Variants in MTHFD1 observed in about 807,000 individuals in gnomAD.
The protein encoded by MTHFD1 is C-1-tetrahydrofolate synthase, cytoplasmic.
In MTHFD1, 44 loss-of-function variants were observed where a neutral mutation model predicts 110.3. The ratio of observed to expected loss-of-function variants is 0.40; its 90% CI spans 0.31 to 0.51. The LOEUF is 0.51. Ranked by LOEUF, MTHFD1 falls within the 20% of genes least tolerant of loss-of-function variation. The pLI is 0.60. For missense variants in MTHFD1, 909 were observed against 1,173.1 expected (o/e 0.77, Z 3.29); for synonymous variants, 402 against 428.8 (o/e 0.94, Z 0.77).
At chr14:64,416,477 T>C (rs1286039164) in intron 6 of MTHFD1, among the ~76,000 whole-genome samples, 1 of 152,116 alleles carries the variant, frequency 6.6e-6, no homozygotes, top group African/African-American at 2.4e-5. Flanking sequence ...GTTCCAGGAC[T>C]CGACAGATGG....
At position 64,419,939 on chromosome 14, in the gene MTHFD1, G is replaced by T; in HGVS notation, c.727+14G>T. The T allele has an allele frequency of 1.5e-5, 24 of 1,570,284 alleles. No individual in the cohort carries two copies. The highest frequency in any genetic ancestry group is 2.1e-5 in the Non-Finnish European group (24 of 1,140,330). On this transcript the variant is annotated intron_variant, in intron 8 of 27. Transcript: ENST00000652337. Reference sequence around the variant, plus strand: ...ATTATGTCCCAGGTGAGTGTTGTTGGAGGAGTAAGGTGGCTGCTGGTATTG... The same window carrying T: ...ATTATGTCCCAGGTGAGTGTTGTTGTAGGAGTAAGGTGGCTGCTGGTATTG...
intron 1 of MTHFD1, among the ~76,000 whole-genome samples, chr14:64,399,223 G>T (rs750303077): frequency 4.6e-5 from 7 of 152,160 alleles, no homozygotes; most frequent in Non-Finnish European, 8.8e-5. Context: ...GAGTGGAAAT[G>T]TGAAAAAAGA....
At chr14:64,410,145 A>G (rs2077970822) in intron 2 of MTHFD1, among the ~76,000 whole-genome samples, 1 of 152,374 alleles carries the variant, frequency 6.6e-6, no homozygotes, top group East Asian at 1.9e-4. Context: ...TCAAAGAAAC[A>G]GAGGGAACAT....
At chr14:64,410,503 G>T (rs2077975221) in intron 2 of MTHFD1, among the ~76,000 whole-genome samples, 1 of 152,124 alleles carries the variant, frequency 6.6e-6, no homozygotes. Flanking sequence ...AGGGATTATA[G>T]ACCTGAGTTG....
At chr14:64,444,946 A>G (rs1404438243) in intron 22 of MTHFD1, 5 of 595,644 alleles carry the variant, frequency 8.4e-6, no homozygotes, top group South Asian at 3.7e-5. Flanking sequence ...TAGGGTGTCA[A>G]TAAGCCACTG....
At chr14:64,452,179 CAGCTACTTGG>C (rs2078384212) in intron 24 of MTHFD1, among the ~76,000 whole-genome samples, 1 of 152,136 alleles carries the variant, frequency 6.6e-6, no homozygotes, top group African/African-American at 2.4e-5. Context: ...CCTGTGATCC[CAGCTACTTGG>C]GAGGCTGAGG....
chr14:64,421,883 C>T (rs1596542409), intron 8 of MTHFD1, among the ~76,000 whole-genome samples: 1 of 152,208 alleles, frequency 6.6e-6, no homozygotes. Flanking sequence ...CCTTTGCCTC[C>T]CAAAGTGCTG....
At chr14:64,446,424 G>A (rs965026617) in intron 22 of MTHFD1, among the ~76,000 whole-genome samples, 10 of 152,208 alleles carry the variant, frequency 6.6e-5, no homozygotes, top group African/African-American at 2.4e-4. Context: ...CCCCCTTGGA[G>A]GAGGTTTATG....
intron 4 of MTHFD1, among the ~76,000 whole-genome samples, chr14:64,413,428 G>A (rs191334400): frequency 6.6e-6 from 1 of 152,238 alleles, no homozygotes; most frequent in East Asian, 1.9e-4. Flanking sequence ...CCTTTTATAT[G>A]AGGTTCAGGA....
At chr14:64,422,092 A>G (rs1027139826) in intron 8 of MTHFD1, among the ~76,000 whole-genome samples, 7 of 152,146 alleles carry the variant, frequency 4.6e-5, no homozygotes, top group Non-Finnish European at 1.0e-4. Flanking sequence ...CATCCTTTTC[A>G]CATTGATTCC....
At chr14:64,458,092 T>C in intron 26 of MTHFD1, 122 bp from the exon 27 acceptor site, 4 of 799,650 alleles carry the variant, frequency 5.0e-6, no homozygotes, top group Non-Finnish European at 6.8e-6. Context: ...GGTCTCACTA[T>C]GTTGCCCAGG....
intron 2 of MTHFD1, among the ~76,000 whole-genome samples, chr14:64,405,883 G>A (rs564579514): frequency 7.2e-5 from 11 of 152,132 alleles, no homozygotes; most frequent in African/African-American, 2.6e-4. Flanking sequence ...TGGGACAAGA[G>A]TGTTTTAGAT....
At chr14:64,405,917 G>T (rs1187108400) in intron 2 of MTHFD1, among the ~76,000 whole-genome samples, 1 of 151,782 alleles carries the variant, frequency 6.6e-6, no homozygotes, top group African/African-American at 2.4e-5. Context: ...TATACATAGG[G>T]ATGAGATCCA....
chr14:64,411,690 G>A (rs1012353533), intron 3 of MTHFD1, among the ~76,000 whole-genome samples: 9 of 152,112 alleles, frequency 5.9e-5, no homozygotes, highest in Non-Finnish European at 1.0e-4. Flanking sequence ...ACCTGAGGTC[G>A]GGAGTTTTAG....
intron 17 of MTHFD1, 73 bp downstream of exon 17, chr14:64,439,245 C>A: frequency 9.3e-7 from 1 of 1,079,806 alleles, no homozygotes; most frequent in Non-Finnish European, 1.4e-6. Flanking sequence ...CTCCTCCATC[C>A]TCTCTCATAC....
intron 1 of MTHFD1, among the ~76,000 whole-genome samples, chr14:64,394,451 C>T (rs1383291942): frequency 6.6e-6 from 1 of 152,052 alleles, no homozygotes; most frequent in Non-Finnish European, 1.5e-5. Context: ...GGGAAGCACC[C>T]AAACAGATTC....
chr14:64,441,668 T>C (rs2078250038), intron 19 of MTHFD1: 5 of 572,718 alleles, frequency 8.7e-6, no homozygotes, highest in East Asian at 3.2e-5. Context: ...TAGCCGGGCA[T>C]GGTGGCGGGC....
intron 18 of MTHFD1, 101 bp downstream of exon 18, chr14:64,440,367 C>T (rs777623529): frequency 1.1e-5 from 15 of 1,348,554 alleles, no homozygotes; most frequent in South Asian, 4.8e-5. Flanking sequence ...GTACTTAAGA[C>T]ATTGCAATTA....
intron 15 of MTHFD1, among the ~76,000 whole-genome samples, chr14:64,433,714 ATT>A (rs1170650639): frequency 2.9e-4 from 37 of 129,050 alleles, no homozygotes; most frequent in Middle Eastern, 4.2e-3. Context: ...TGAGCTCAGC[ATT>A]TTTTTTTTTT....
Sources: gnomAD v4.1 joint callset for allele counts (sites outside exome capture counted in the v4.1 genomes callset) on GRCh38, gnomAD v4.1.1 for gene constraint, MANE v1.5 for transcripts, NCBI Gene and HGNC (gene_info 2026-07-23, HGNC 2026-07-21) for gene names.